Variants in SH3GL2 observed in about 807,000 individuals in gnomAD.
The protein encoded by SH3GL2 is SH3 domain containing GRB2 like 2, endophilin A1.
SH3GL2 carries 24 observed loss-of-function variants against 46.0 expected under a neutral mutation model. The ratio of observed to expected loss-of-function variants is 0.52; its 90% CI spans 0.38 to 0.73. The LOEUF (loss-of-function observed/expected upper bound fraction) is 0.73, where lower values mean the gene tolerates loss of function less well. Among genes scored for constraint, SH3GL2 ranks in the 30% least tolerant of loss-of-function variants. The pLI is 0.00. For synonymous variants in SH3GL2, 196 were observed against 147.1 expected, an observed-to-expected ratio of 1.33 and a Z score of -2.40; for missense variants, 413 against 424.2, an observed-to-expected ratio of 0.97 and a Z score of 0.23.
At chr9:17,694,437 GCAAC>G (rs1173714504) in intron 1 of SH3GL2, among the ~76,000 whole-genome samples, 4 of 152,034 alleles carry the variant, frequency 2.6e-5, no homozygotes, top group African/African-American at 9.7e-5. Context: ...TATTGTAAAA[GCAAC>G]TACTATAATT....
rs924075354 is a variant in SH3GL2, at chr9:17,653,376, C to G, written c.45+74089C>G. Among the ~76,000 whole-genome samples the G allele has an allele frequency of 2.6e-5, 4 of 152,114 alleles. No individual in the cohort carries two copies. In the East Asian group the frequency reaches 7.7e-4, roughly 29 times the overall value. On this transcript the variant is annotated intron_variant, in intron 1 of 8. Transcript: ENST00000380607. The stretch of plus-strand genomic sequence containing the variant: ...TACTTTCCTCTATTCTTTTGAGATT[C>G]CTAATACTTCTAGCCTCCAGATTTT...
rs1042157630 is a variant in SH3GL2 at position 17,770,129 on chromosome 9, T to C, written c.187+8620T>C. On this transcript the variant is annotated intron_variant, in intron 3 of 8. Coordinates refer to ENST00000380607, the MANE Select transcript of SH3GL2 (RefSeq NM_003026.5). ...TCAGAGCTGTTCTCTGTGTAATATC[T>C]ATTTGGTGTCATGTACAATTAGTAT... is the stretch of plus-strand genomic sequence containing the variant. 4.6e-5 allele frequency among the ~76,000 whole-genome samples: 7 copies of C among 152,234 alleles called. No individual in the cohort carries two copies. In the East Asian group the frequency reaches 1.3e-3, roughly 29 times the overall value.
chr9:17,592,288 C>A lies in SH3GL2; in HGVS notation c.45+13001C>A, dbSNP rs890503420. On this transcript the variant is annotated intron_variant, in intron 1 of 8. Coordinates refer to ENST00000380607, the MANE Select transcript of SH3GL2 (RefSeq NM_003026.5). Reference sequence around the variant, plus strand: ...GATTGGATGTCTGCTGCCCTCAGATCTTCTTTGCTCAGTCTACTGATTCAG... The same window carrying A: ...GATTGGATGTCTGCTGCCCTCAGATATTCTTTGCTCAGTCTACTGATTCAG... Among the ~76,000 whole-genome samples the A allele has an allele frequency of 4.6e-5, 7 of 152,346 alleles. No homozygotes were observed. The South Asian group carries it at 1.2e-3, about 27-fold the overall frequency.
chr9:17,622,143 A>C (rs1219760265), intron 1 of SH3GL2, among the ~76,000 whole-genome samples: 1 of 152,204 alleles, frequency 6.6e-6, no homozygotes, highest in Non-Finnish European at 1.5e-5. Flanking sequence ...TAACCTTTTA[A>C]TGAATATGCA....
At chr9:17,786,097 G>T (rs1444604581) in intron 3 of SH3GL2, among the ~76,000 whole-genome samples, 2 of 152,140 alleles carry the variant, frequency 1.3e-5, no homozygotes, top group African/African-American at 4.8e-5. Context: ...AAGGGAGGAT[G>T]GGGAAGGGCA....
intron 1 of SH3GL2, among the ~76,000 whole-genome samples, chr9:17,658,812 A>ATT (rs1820148569): frequency 6.6e-6 from 1 of 152,210 alleles, no homozygotes; most frequent in Admixed American, 6.5e-5. Flanking sequence ...CTCCCCCAAG[A>ATT]TGCCCCTGGA....
intron 1 of SH3GL2, among the ~76,000 whole-genome samples, chr9:17,682,386 G>A (rs865857189): frequency 6.6e-6 from 1 of 152,164 alleles, no homozygotes; most frequent in African/African-American, 2.4e-5. Context: ...GCTATGTGAA[G>A]GAATGAGATC....
intron 1 of SH3GL2, among the ~76,000 whole-genome samples, chr9:17,605,977 T>G (rs952636419): frequency 2.0e-5 from 3 of 152,196 alleles, no homozygotes; most frequent in African/African-American, 7.2e-5. Context: ...CACTCTATGC[T>G]TGGTATGCTT....
chr9:17,649,209 G>T (rs1819896174), intron 1 of SH3GL2, among the ~76,000 whole-genome samples: 1 of 152,188 alleles, frequency 6.6e-6, no homozygotes, highest in African/African-American at 2.4e-5. Flanking sequence ...GGAATTACAG[G>T]CATGTGCCAC....
chr9:17,780,215 C>T (rs894844499), intron 3 of SH3GL2, among the ~76,000 whole-genome samples: 4 of 152,150 alleles, frequency 2.6e-5, no homozygotes, highest in Non-Finnish European at 5.9e-5. Context: ...CATCCCAAAA[C>T]CTCCTTCCAC....
intron 1 of SH3GL2, among the ~76,000 whole-genome samples, chr9:17,712,913 A>G (rs562651700): frequency 2.7e-5 from 4 of 149,570 alleles, no homozygotes; most frequent in East Asian, 2.0e-4. Flanking sequence ...TCCAATAGAA[A>G]TAGTAAGCGT....
chr9:17,680,906 G>A (rs1348472771), intron 1 of SH3GL2, among the ~76,000 whole-genome samples: 3 of 152,042 alleles, frequency 2.0e-5, no homozygotes, highest in African/African-American at 7.3e-5. Context: ...TCATTCAGGA[G>A]CAGGTTGTTC....
intron 1 of SH3GL2, among the ~76,000 whole-genome samples, chr9:17,630,863 T>TG (rs1215705378): frequency 6.6e-6 from 1 of 152,132 alleles, no homozygotes; most frequent in Non-Finnish European, 1.5e-5. Flanking sequence ...ATGGGCAAGG[T>TG]GGGGCAGGAC....
At chr9:17,728,578 C>T (rs1451480057) in intron 1 of SH3GL2, among the ~76,000 whole-genome samples, 1 of 152,088 alleles carries the variant, frequency 6.6e-6, no homozygotes, top group Non-Finnish European at 1.5e-5. Flanking sequence ...CTGCACCCAT[C>T]AGCCTGTCAT....
intron 1 of SH3GL2, among the ~76,000 whole-genome samples, chr9:17,606,305 C>T (rs1048219407): frequency 1.3e-5 from 2 of 152,106 alleles, no homozygotes; most frequent in African/African-American, 4.8e-5. Flanking sequence ...CTCGGTCAGG[C>T]TGGTCTTGAA....
intron 1 of SH3GL2, among the ~76,000 whole-genome samples, chr9:17,643,942 G>C (rs972648270): frequency 6.6e-6 from 1 of 152,174 alleles, no homozygotes; most frequent in Non-Finnish European, 1.5e-5. Flanking sequence ...GTAGAATTCA[G>C]CTGTGAATTC....
In SH3GL2 at chr9:17,644,652, C is replaced by G. The variant is rs545013970; in HGVS notation, c.45+65365C>G. Reference sequence around the variant, plus strand: ...GCGGTTTTGAGTGAGTTTCTTCATCCTGAGTTCTAATTTGATTACACTGTG... The same window carrying G: ...GCGGTTTTGAGTGAGTTTCTTCATCGTGAGTTCTAATTTGATTACACTGTG... On this transcript the variant is annotated intron_variant, in intron 1 of 8. Transcript: ENST00000380607. Among the ~76,000 whole-genome samples the G allele has an allele frequency of 1.1e-4, 17 of 152,284 alleles. No homozygotes were observed. In the South Asian group the frequency reaches 1.2e-3, roughly 11 times the overall value.
intron 2 of SH3GL2, among the ~76,000 whole-genome samples, chr9:17,758,831 CA>C (rs1306145376): frequency 6.6e-6 from 1 of 152,024 alleles, no homozygotes; most frequent in Non-Finnish European, 1.5e-5. Flanking sequence ...CCTCAATGGG[CA>C]CAAAGTCGGT....
chr9:17,626,641 A>G (rs927409251), intron 1 of SH3GL2, among the ~76,000 whole-genome samples: 1 of 152,160 alleles, frequency 6.6e-6, no homozygotes, highest in African/African-American at 2.4e-5. Flanking sequence ...ATGTGTAAGG[A>G]TCTGTGGACT....
Sources: allele counts gnomAD v4.1 joint callset (sites outside exome capture counted in the v4.1 genomes callset), GRCh38; gene constraint gnomAD v4.1.1; transcripts MANE v1.5; gene names NCBI Gene and HGNC (gene_info 2026-07-23, HGNC 2026-07-21).